Variants in TMEM156 observed in about 807,000 individuals in gnomAD.
TMEM156 encodes transmembrane protein 156.
Under a neutral mutation model 30.5 loss-of-function variants are expected in TMEM156, and 28 were observed. The observed-to-expected ratio is 0.92, with a 90% confidence interval of 0.68 to 1.26. The LOEUF (loss-of-function observed/expected upper bound fraction) is 1.26. Among genes scored for constraint, TMEM156 ranks in the 50% most tolerant of loss-of-function variants. The pLI, the probability that TMEM156 is intolerant of heterozygous loss-of-function variation, is 0.00. For synonymous variants in TMEM156, 137 were observed against 119.9 expected (o/e 1.14, Z -0.93); for missense variants, 351 against 340.6 (o/e 1.03, Z -0.24).
At position 38,990,830 on chromosome 4, in the gene TMEM156, G is replaced by GTTT. The variant is rs71304784; in HGVS notation, c.620-1863_620-1861dup. Among the ~76,000 whole-genome samples, 491 of 81,018 alleles carry GTTT rather than the reference G, an allele frequency of 6.1e-3. 30 individuals are homozygous for GTTT. The highest frequency in any genetic ancestry group is 0.014 in the African/African-American group (311 of 21,588). 53.2% of individuals were successfully genotyped at this position (81,018 alleles called of 152,430 possible). A position where few individuals can be genotyped will look rare whatever the true frequency, so the allele number is the denominator to read the frequency against. On this transcript the variant is annotated intron_variant, in intron 3 of 6. Coordinates refer to ENST00000381938, the MANE Select transcript of TMEM156 (RefSeq NM_024943.3). ...CTTTGTTTTTTTGGTTTGTTTTCTG[G>GTTT]TTTTTTTTTTTTTTTTTTTTTTTGA... is the stretch of plus-strand genomic sequence containing the variant.
At chr4:38,971,664 T>A (rs1400040375) in intron 5 of TMEM156, among the ~76,000 whole-genome samples, 2 of 152,226 alleles carry the variant, frequency 1.3e-5, no homozygotes, top group Non-Finnish European at 2.9e-5. Flanking sequence ...CATCATGACA[T>A]CTCGTTCATT....
intron 5 of TMEM156, among the ~76,000 whole-genome samples, chr4:38,973,328 T>C (rs536324857): frequency 5.6e-4 from 85 of 152,332 alleles, no homozygotes; most frequent in African/African-American, 1.9e-3. Context: ...TATATATTCG[T>C]CTTCCTCTTC....
chr4:38,971,243 A>G (rs1722583688), intron 5 of TMEM156, 106 bp from the exon 6 acceptor site: 2 of 1,077,940 alleles, frequency 1.9e-6, no homozygotes, highest in East Asian at 2.5e-5. Context: ...CTCTACCTCT[A>G]GAAAGGATTT....
intron 3 of TMEM156, among the ~76,000 whole-genome samples, chr4:38,993,219 T>C (rs574215516): frequency 6.6e-6 from 1 of 151,980 alleles, no homozygotes; most frequent in Non-Finnish European, 1.5e-5. Context: ...TGCTTAAGCC[T>C]AGGAGTTCAA....
At chr4:39,000,197 C>T (rs762573273) in intron 1 of TMEM156, among the ~76,000 whole-genome samples, 2 of 152,104 alleles carry the variant, frequency 1.3e-5, no homozygotes, top group Non-Finnish European at 2.9e-5. Context: ...AGTTTGAGAT[C>T]AGCCTGGACA....
chr4:38,988,946 G>A lies in TMEM156; in HGVS notation c.644C>T (p.Thr215Ile), dbSNP rs1360612072. The A allele has an allele frequency of 6.2e-7, 1 of 1,611,986 alleles. No individual in the cohort carries two copies. The highest frequency in any genetic ancestry group is 8.5e-7 in the Non-Finnish European group (1 of 1,178,414). The change falls in exon 4 of 7, where the codon ACT becomes ATT. Residue 215 changes from threonine (T) to isoleucine (I), a missense_variant. By Grantham distance (89) the Thr-to-Ile change is moderately conservative. Coordinates refer to ENST00000381938, the MANE Select transcript of TMEM156 (RefSeq NM_024943.3). Reference protein sequence around the residue: ...IKNITCSMKITWYILVLLVFI... With the variant: ...IKNITCSMKIIWYILVLLVFI... ...AACTAATAGAACTAAAATATACCAA[G>A]TGATCTTCATGGAACAAGTGATATC... is the stretch of plus-strand genomic sequence containing the variant.
At position 39,032,361 on chromosome 4, in the gene TMEM156, A is replaced by T. The variant is rs1203755360; in HGVS notation, c.-48T>A. 1.7e-6 allele frequency: 2 copies of T among 1,188,646 alleles called. No homozygotes were observed. The highest frequency in any genetic ancestry group is 3.0e-5 in the African/African-American group (2 of 66,102). 73.6% of individuals were successfully genotyped at this position (1,188,646 alleles called of 1,614,324 possible). On this transcript the variant is annotated 5_prime_UTR_variant, in exon 1 of 7. Transcript: ENST00000381938. ...TGTTCCCTTGCAGTACATTCATGGTATGTTGCTTCCTGCTTTAAGTTTATC... is the reference window on the plus strand; with the variant it reads ...TGTTCCCTTGCAGTACATTCATGGTTTGTTGCTTCCTGCTTTAAGTTTATC...
At chr4:38,997,210 T>C (rs150980661) in intron 2 of TMEM156, among the ~76,000 whole-genome samples, 291 of 152,292 alleles carry the variant, frequency 1.9e-3, no homozygotes, top group African/African-American at 6.5e-3. Flanking sequence ...TTGCTTTCTG[T>C]TGCATTCAGC....
At chr4:38,992,677 A>ATATAT (rs1210153681) in intron 3 of TMEM156, among the ~76,000 whole-genome samples, 1 of 55,610 alleles carries the variant, frequency 1.8e-5, no homozygotes, top group Non-Finnish European at 3.6e-5. Context: ...TATATATATA[A>ATATAT]TATATTATAT....
intron 5 of TMEM156, among the ~76,000 whole-genome samples, chr4:38,976,300 A>G (rs1223166701): frequency 6.6e-6 from 1 of 151,452 alleles, no homozygotes; most frequent in African/African-American, 2.4e-5. Context: ...AAAAAAAAAA[A>G]AAAAAAAAAA....
Position 38,994,015 on chromosome 4 carries a change from A to G in TMEM156, c.359-17T>C, listed in dbSNP as rs759403992. On this transcript the variant is annotated splice_polypyrimidine_tract_variant and intron_variant, in intron 2 of 6. Transcript: ENST00000381938. The stretch of plus-strand genomic sequence containing the variant: ...TGATAAGAACTAGAAAGTGATTAAG[A>G]AAATGTTATTTGCAAAATATTAATA... The G allele has an allele frequency of 6.2e-7, 1 of 1,601,014 alleles. No homozygotes were observed. The highest frequency in any genetic ancestry group is 8.5e-7 in the Non-Finnish European group (1 of 1,170,800).
intron 1 of TMEM156, among the ~76,000 whole-genome samples, chr4:39,003,391 G>A (rs58621072): frequency 0.28 from 42,400 of 151,894 alleles, 6,374 homozygotes; most frequent in East Asian, 0.44. Context: ...CTGGAGTGCA[G>A]TGGCATGATC....
intron 1 of TMEM156, among the ~76,000 whole-genome samples, chr4:39,007,188 A>G (rs1166176129): frequency 6.6e-6 from 1 of 152,112 alleles, no homozygotes; most frequent in Non-Finnish European, 1.5e-5. Context: ...ATGCTGGCAA[A>G]CTACTTTTCC....
chr4:38,975,745 C>G (rs191871289), intron 5 of TMEM156, among the ~76,000 whole-genome samples: 6 of 152,040 alleles, frequency 3.9e-5, no homozygotes, highest in South Asian at 2.1e-4. Flanking sequence ...GTCCCACCCC[C>G]CTGATGTGCA....
intron 5 of TMEM156, among the ~76,000 whole-genome samples, chr4:38,972,242 ATTTTTTT>A (rs144479056): frequency 1.3e-5 from 1 of 75,814 alleles, no homozygotes; most frequent in African/African-American, 6.1e-5. Flanking sequence ...TTCTCTGGGA[ATTTTTTT>A]TTTTTTTTTT....
At chr4:38,998,954 A>G (rs764936061) in intron 1 of TMEM156, 45 bp from the exon 2 acceptor site, 4 of 1,537,352 alleles carry the variant, frequency 2.6e-6, no homozygotes, top group Admixed American at 4.1e-5. Flanking sequence ...TAAAGCTTTG[A>G]GTTTTTGGCA....
chr4:39,011,062 A>G (rs971387440), intron 1 of TMEM156, among the ~76,000 whole-genome samples: 2 of 152,138 alleles, frequency 1.3e-5, no homozygotes, highest in South Asian at 4.1e-4. Flanking sequence ...GAAACAAACC[A>G]ACAAGAAAAA....
intron 3 of TMEM156, among the ~76,000 whole-genome samples, chr4:38,992,823 G>A (rs770980319): frequency 8.8e-5 from 13 of 147,484 alleles, no homozygotes; most frequent in South Asian, 4.3e-4. Flanking sequence ...GTGCAGCAGC[G>A]CGATCTCGGC....
At chr4:38,975,748 G>C (rs1318793203) in intron 5 of TMEM156, among the ~76,000 whole-genome samples, 1 of 152,028 alleles carries the variant, frequency 6.6e-6, no homozygotes, top group Non-Finnish European at 1.5e-5. Flanking sequence ...CCACCCCCCT[G>C]ATGTGCAATA....
Sources: gnomAD v4.1 joint callset for allele counts (sites outside exome capture counted in the v4.1 genomes callset) on GRCh38, gnomAD v4.1.1 for gene constraint, MANE v1.5 for transcripts, NCBI Gene and HGNC (gene_info 2026-07-23, HGNC 2026-07-21) for gene names.